RBFOX1: variants seen among roughly 807,000 people sequenced by gnomAD.
RBFOX1 encodes RNA binding protein fox-1 homolog 1.
In RBFOX1, 8 loss-of-function variants were observed where a neutral mutation model predicts 57.7. The observed-to-expected ratio is 0.14, with a 90% confidence interval of 0.08 to 0.25. The LOEUF (loss-of-function observed/expected upper bound fraction) is 0.25, where lower values mean the gene tolerates loss of function less well. RBFOX1 is among the 10% of genes least tolerant of loss of function. The probability of loss-of-function intolerance (pLI) is 1.00; values close to 1 mark genes in which losing one functional copy is unlikely to be tolerated. For missense variants in RBFOX1, 611 were observed against 548.5 expected, an observed-to-expected ratio of 1.11 and a Z score of -1.14; for synonymous variants, 326 against 222.4, an observed-to-expected ratio of 1.47 and a Z score of -4.15.
At chr16:5,889,118 G>A (rs2057978199) in intron 4 of RBFOX1, among the ~76,000 whole-genome samples, 1 of 152,122 alleles carries the variant, frequency 6.6e-6, no homozygotes, top group Admixed American at 6.5e-5. Flanking sequence ...AAGTTGTGAG[G>A]TCCATGTGTA....
intron 3 of RBFOX1, among the ~76,000 whole-genome samples, chr16:6,657,182 C>T (rs1027687740): frequency 1.3e-5 from 2 of 151,426 alleles, no homozygotes; most frequent in Non-Finnish European, 2.9e-5. Context: ...TTTCTCTCCT[C>T]CTTTCCTTCC....
intron 3 of RBFOX1, chr16:6,983,756 T>C (rs1232186018): frequency 1.3e-5 from 2 of 152,526 alleles, no homozygotes; most frequent in Admixed American, 6.5e-5. Context: ...TGCTGTGATG[T>C]AGGCTGGGTG....
chr16:7,360,869 C>T (rs181333763), intron 4 of RBFOX1, among the ~76,000 whole-genome samples: 1 of 152,342 alleles, frequency 6.6e-6, no homozygotes, highest in Non-Finnish European at 1.5e-5. Flanking sequence ...GTCACCTTGA[C>T]ATCTTCGAGT....
chr16:7,022,029 T>TCTCCC (rs1415016044), intron 3 of RBFOX1, among the ~76,000 whole-genome samples: 2 of 7,146 alleles, frequency 2.8e-4, no homozygotes, highest in African/African-American at 2.2e-3. Flanking sequence ...CCCCCTCCCC[T>TCTCCC]TCCCCTCCCC....
chr16:6,662,996 C>G (rs2098710776), intron 3 of RBFOX1, among the ~76,000 whole-genome samples: 1 of 152,110 alleles, frequency 6.6e-6, no homozygotes, highest in Non-Finnish European at 1.5e-5. Flanking sequence ...ACACTGTTTT[C>G]TACTGGTGGG....
intron 3 of RBFOX1, among the ~76,000 whole-genome samples, chr16:5,860,826 G>A (rs1189341121): frequency 6.6e-6 from 1 of 152,122 alleles, no homozygotes; most frequent in African/African-American, 2.4e-5. Context: ...ATACTGGGAG[G>A]CCAGCAAAAA....
intron 4 of RBFOX1, among the ~76,000 whole-genome samples, chr16:7,236,032 A>G (rs188971311): frequency 5.1e-4 from 77 of 152,288 alleles, no homozygotes; most frequent in African/African-American, 1.7e-3. Context: ...GTCATTTTGT[A>G]TAAATAGTTC....
chr16:7,569,783 T>A (rs12445980), intron 5 of RBFOX1, among the ~76,000 whole-genome samples: 59,012 of 151,928 alleles, frequency 0.39, 11,857 homozygotes, highest in South Asian at 0.53. Context: ...CAGAAGGATA[T>A]CTTGAGCCTA....
intron 3 of RBFOX1, among the ~76,000 whole-genome samples, chr16:6,905,563 A>C (rs1335237077): frequency 1.3e-5 from 2 of 151,672 alleles, no homozygotes; most frequent in African/African-American, 4.8e-5. Flanking sequence ...AAAAAAAAAA[A>C]AAAGTGTAGA....
rs1567396900 is a variant in RBFOX1, at chr16:6,819,734, AC to A, written c.-16+165085del. Among the ~76,000 whole-genome samples, 121 of 81,896 alleles carry A rather than the reference AC, an allele frequency of 1.5e-3. 17 individuals carry two copies. Among genetic ancestry groups the A allele is most frequent in the Admixed American group, 2.2e-3 (17 of 7,650 alleles). The allele number at this position is 81,896 out of a possible 152,430, so 53.7% of individuals were successfully genotyped here. A position where few individuals can be genotyped will look rare whatever the true frequency, so the allele number is the denominator to read the frequency against. ...AAAAAAAAAAAAAAAAAAAAAAATA[AC>A]AACACCAAAAGGTATATAGTATAAC... is the stretch of plus-strand genomic sequence containing the variant. On this transcript the variant is annotated intron_variant, in intron 3 of 15. Coordinates refer to ENST00000550418, the MANE Select transcript of RBFOX1 (RefSeq NM_018723.4).
chr16:7,267,283 C>T (rs566963905), intron 4 of RBFOX1, among the ~76,000 whole-genome samples: 6 of 151,872 alleles, frequency 4.0e-5, no homozygotes, highest in South Asian at 4.2e-4. Flanking sequence ...GCCTGTAATG[C>T]GAGCACTTTC....
intron 4 of RBFOX1, among the ~76,000 whole-genome samples, chr16:7,337,961 G>T (rs1394500304): frequency 1.3e-5 from 2 of 152,196 alleles, no homozygotes; most frequent in African/African-American, 4.8e-5. Context: ...GGGATTACAG[G>T]CATGAGCCAC....
chr16:6,981,475 A>T (rs1252882464), intron 3 of RBFOX1, among the ~76,000 whole-genome samples: 1 of 152,174 alleles, frequency 6.6e-6, no homozygotes, highest in Non-Finnish European at 1.5e-5. Flanking sequence ...TAAACCACAG[A>T]TTCTTTATCC....
Position 6,010,671 on chromosome 16 carries a change from G to A in RBFOX1, c.351+143336G>A, listed in dbSNP as rs181369544. On this transcript the variant is annotated intron_variant, in intron 4 of 19. Transcript: ENST00000641259. Reference sequence around the variant, plus strand: ...GGTGTAGAAGAACCCTATCAGAGAAGGCTGAAGTGGATGTAAACATGCTTC... The same window carrying A: ...GGTGTAGAAGAACCCTATCAGAGAAAGCTGAAGTGGATGTAAACATGCTTC... Among the ~76,000 whole-genome samples, 132 of 152,308 alleles carry A rather than the reference G, an allele frequency of 8.7e-4. 1 individual carries two copies. Among genetic ancestry groups the A allele is most frequent in the Non-Finnish European group, 1.4e-3 (93 of 68,032 alleles).
chr16:6,916,487 GT>G lies in RBFOX1; in HGVS notation c.-15-135557del, dbSNP rs372576634. ...TAACGAAATAAATAGCATTTTAGTT[GT>G]TTTTTTTTTTTTAATTGTCATTCTA... On this transcript the variant is annotated intron_variant, in intron 3 of 15. Coordinates refer to ENST00000550418, the MANE Select transcript of RBFOX1 (RefSeq NM_018723.4). 2.8e-3 allele frequency among the ~76,000 whole-genome samples: 394 copies of G among 142,530 alleles called. 1 individual carries two copies. The highest frequency in any genetic ancestry group is 4.4e-3 in the African/African-American group (171 of 39,128). The allele number at this position is 142,530 out of a possible 152,430, so 93.5% of individuals were successfully genotyped here. A position where few individuals can be genotyped will look rare whatever the true frequency, so the allele number is the denominator to read the frequency against.
chr16:5,860,132 G>A (rs375291600), intron 3 of RBFOX1, among the ~76,000 whole-genome samples: 3 of 152,172 alleles, frequency 2.0e-5, no homozygotes, highest in Admixed American at 2.0e-4. Context: ...GCCCAGGCTG[G>A]AGTGCAATGG....
intron 4 of RBFOX1, among the ~76,000 whole-genome samples, chr16:7,215,768 A>G (rs559262480): frequency 2.9e-5 from 4 of 136,334 alleles, no homozygotes; most frequent in East Asian, 4.4e-4. Context: ...TCTGTTGTCC[A>G]GGCGGGAGTG....
At chr16:7,672,217 A>AG (rs2071694884) in intron 13 of RBFOX1, among the ~76,000 whole-genome samples, 1 of 152,224 alleles carries the variant, frequency 6.6e-6, no homozygotes, top group Admixed American at 6.5e-5. Context: ...ATTTGTAGGA[A>AG]GAAAAAAAGT....
intron 2 of RBFOX1, among the ~76,000 whole-genome samples, chr16:5,490,995 C>A (rs1385961246): frequency 6.6e-6 from 1 of 152,076 alleles, no homozygotes; most frequent in East Asian, 1.9e-4. Context: ...TATAGAAAAC[C>A]AAATGCGCAA....
Sources: gnomAD v4.1 joint callset for allele counts (sites outside exome capture counted in the v4.1 genomes callset) on GRCh38, gnomAD v4.1.1 for gene constraint, MANE v1.5 for transcripts, NCBI Gene and HGNC (gene_info 2026-07-23, HGNC 2026-07-21) for gene names.